BRF1: variants seen among roughly 807,000 people sequenced by gnomAD.
The protein encoded by BRF1 is transcription factor IIIB 90 kDa subunit.
In BRF1, 59 loss-of-function variants were observed where a neutral mutation model predicts 81.7. The ratio of observed to expected loss-of-function variants is 0.72; its 90% CI spans 0.59 to 0.90. The LOEUF is 0.90. BRF1 is among the 40% of genes least tolerant of loss of function. The pLI is 0.00. For missense variants in BRF1, 1,050 were observed against 936.3 expected (o/e 1.12, Z -1.58); for synonymous variants, 491 against 395.6 (o/e 1.24, Z -2.86).
chr14:105,256,654 C>A, intron 3 of BRF1, 105 bp from the exon 4 acceptor site: 1 of 1,497,282 alleles, frequency 6.7e-7, no homozygotes, highest in South Asian at 1.3e-5. Context: ...GAGCTGGAGT[C>A]GCCCCTCCAA....
chr14:105,219,287 G>C, intron 12 of BRF1, 55 bp from the exon 13 acceptor site: 1 of 1,599,526 alleles, frequency 6.3e-7, no homozygotes. Flanking sequence ...ACCGGGGCAT[G>C]CTAAGGTCGC....
chr14:105,226,538 G>C, intron 8 of BRF1, 96 bp downstream of exon 8: 1 of 1,577,442 alleles, frequency 6.3e-7, no homozygotes, highest in Non-Finnish European at 8.6e-7. Context: ...TGAGGCTTTG[G>C]GATGGCACCA....
chr14:105,313,617 G>A (rs1400783821), intron 1 of BRF1, among the ~76,000 whole-genome samples: 1 of 152,258 alleles, frequency 6.6e-6, no homozygotes, highest in Middle Eastern at 3.2e-3. Context: ...GGAGCTGACG[G>A]GGCACTGGGG....
rs1379073404 is a variant in BRF1 at position 105,284,906 on chromosome 14, G to A, written c.265+1390C>T. 6.6e-6 allele frequency among the ~76,000 whole-genome samples: 1 copy of A among 152,170 alleles called. No individual in the cohort carries two copies. Among genetic ancestry groups the A allele is most frequent in the African/African-American group, 2.4e-5 (1 of 41,430 alleles). ...CTATTCAGCATAAAAAATGAGTTCA[G>A]CCAGGCTGCAAGATACAAGATCAAT... On this transcript the variant is annotated intron_variant, in intron 2 of 17. Coordinates refer to ENST00000547530, the MANE Select transcript of BRF1 (RefSeq NM_001519.4). The surrounding 1 kb of genome is among the most constrained non-coding windows in gnomAD (Gnocchi z 4.0).
intron 15 of BRF1, chr14:105,213,426 T>A (rs1367260309): frequency 6.6e-6 from 1 of 151,748 alleles, no homozygotes; most frequent in African/African-American, 2.4e-5. Flanking sequence ...TTTTTTTTTT[T>A]TCTGAGACGG....
intron 2 of BRF1, among the ~76,000 whole-genome samples, chr14:105,274,363 T>G (rs988247018): frequency 6.6e-6 from 1 of 152,184 alleles, no homozygotes; most frequent in Non-Finnish European, 1.5e-5. Flanking sequence ...GCCGGTCCCC[T>G]GGCCCCACTG....
In BRF1 at chr14:105,257,984, C is replaced by T. The variant is rs74092241; in HGVS notation, c.440-1435G>A. Among the ~76,000 whole-genome samples, 296 of 152,284 alleles carry T rather than the reference C, an allele frequency of 1.9e-3. 1 individual carries two copies. The highest frequency in any genetic ancestry group is 6.8e-3 in the African/African-American group (283 of 41,554). Reference sequence around the variant, plus strand: ...TTCACATATTGCATATTTGTGAAAACCCATAGAAGGCACAGCCCCAAGAGT... The same window carrying T: ...TTCACATATTGCATATTTGTGAAAATCCATAGAAGGCACAGCCCCAAGAGT... On this transcript the variant is annotated intron_variant, in intron 3 of 17. Transcript: ENST00000547530.
At chr14:105,303,173 C>T (rs1305131893), upstream of BRF1, among the ~76,000 whole-genome samples, 2 of 152,196 alleles carry the variant, frequency 1.3e-5, no homozygotes, top group Admixed American at 1.3e-4. Context: ...AAGTGATCCA[C>T]CTGTCTTGGT....
rs1892353472 is a variant in BRF1 at position 105,222,005 on chromosome 14, C to G, written c.1049-91G>C. ...ACAATGCTACCAAGCTGCCAGGTAA[C>G]CCATAGAACGGCTGTCAGTGCACGG... On this transcript the variant is annotated intron_variant, in intron 10 of 17. Coordinates refer to ENST00000547530, the MANE Select transcript of BRF1 (RefSeq NM_001519.4). The G allele has an allele frequency of 2.1e-6, 3 of 1,458,128 alleles. No individual in the cohort carries two copies. In the Admixed American group the frequency reaches 8.3e-5, roughly 41 times the overall value. The allele number at this position is 1,458,128 out of a possible 1,614,324, so 90.3% of individuals were successfully genotyped here. A position where few individuals can be genotyped will look rare whatever the true frequency, so the allele number is the denominator to read the frequency against.
At chr14:105,285,723 A>G (rs967734303) in intron 2 of BRF1, among the ~76,000 whole-genome samples, 3 of 152,250 alleles carry the variant, frequency 2.0e-5, no homozygotes, top group South Asian at 2.1e-4. Context: ...TAAAAAGACA[A>G]AAGAAAATGA....
rs1257990783 is a variant in BRF1, at chr14:105,226,054, G to A, written c.1048+15C>T. On this transcript the variant is annotated intron_variant, in intron 10 of 17. Transcript: ENST00000547530. Reference sequence around the variant, plus strand: ...TTTTAAAGGTCTGAATAGGGGCCGGGCACAGTGGACTCACCATCTTTTGCC... The same window carrying A: ...TTTTAAAGGTCTGAATAGGGGCCGGACACAGTGGACTCACCATCTTTTGCC... The A allele has an allele frequency of 1.2e-6, 2 of 1,610,196 alleles. No homozygotes were observed. The highest frequency in any genetic ancestry group is 1.7e-5 in the Admixed American group (1 of 59,898).
At position 105,218,989 on chromosome 14, in the gene BRF1, G is replaced by A. The variant is rs1199275003; in HGVS notation, c.1515+9C>T. On this transcript the variant is annotated intron_variant, in intron 14 of 17. Transcript: ENST00000547530. ...CAAGAAGGCCAGGCCCAGCGTCACA[G>A]GCGCCCACCTTGTGTTCCTTGTAGA... 1.2e-6 allele frequency: 2 copies of A among 1,613,856 alleles called. No individual in the cohort carries two copies. The highest frequency in any genetic ancestry group is 3.3e-5 in the Admixed American group (2 of 60,022).
rs146924498 is a variant in BRF1, at chr14:105,210,256, G to A, written c.*295C>T. On this transcript the variant is annotated 3_prime_UTR_variant, in exon 18 of 18. Transcript: ENST00000547530. The surrounding 1 kb of genome is among the most constrained non-coding windows in gnomAD (Gnocchi z 4.7). ...TCCTTAATAGTAGCAACACCACACTGCCAGCCTTGGAGGGTCCTTGGATGA... is the reference window on the plus strand; with the variant it reads ...TCCTTAATAGTAGCAACACCACACTACCAGCCTTGGAGGGTCCTTGGATGA... 3 of 452,650 alleles carry A rather than the reference G, an allele frequency of 6.6e-6. No individual in the cohort carries two copies. The highest frequency in any genetic ancestry group is 4.0e-5 in the African/African-American group (2 of 50,074). The allele number at this position is 452,650 out of a possible 1,614,324, so 28.0% of individuals were successfully genotyped here.
rs587745574 is a variant in BRF1 at position 105,289,674 on chromosome 14, C to T, written c.185-3298G>A. On this transcript the variant is annotated intron_variant, in intron 1 of 17. Transcript: ENST00000547530. ...TTTTTGAGACGGAGTCTCGCTCTAT[C>T]GCCCAGGCTGGAGTGTAGTGGTGCG... 4.1e-4 allele frequency among the ~76,000 whole-genome samples: 62 copies of T among 152,202 alleles called. 1 individual carries two copies. In the East Asian group the frequency reaches 6.4e-3, roughly 16 times the overall value.
intron 2 of BRF1, among the ~76,000 whole-genome samples, chr14:105,279,948 G>A (rs1479870464): frequency 6.6e-6 from 1 of 152,218 alleles, no homozygotes; most frequent in Non-Finnish European, 1.5e-5. Flanking sequence ...AGCCAGATGC[G>A]GACGACTAGA....
rs2816626 is a variant in BRF1, at chr14:105,269,088, G to A, written c.439+3633C>T. Among the ~76,000 whole-genome samples, 36,444 of 152,106 alleles carry A rather than the reference G, an allele frequency of 0.24. 4,675 individuals are homozygous for A. The highest frequency in any genetic ancestry group is 0.28 in the South Asian group (1,356 of 4,820). ...AGGGGCAGGAGAAAACAAGGAGGGCGGTGAGAGACGGAGACGTGTCCAGGA... is the reference window on the plus strand; with the variant it reads ...AGGGGCAGGAGAAAACAAGGAGGGCAGTGAGAGACGGAGACGTGTCCAGGA... On this transcript the variant is annotated intron_variant, in intron 3 of 17. Coordinates refer to ENST00000547530, the MANE Select transcript of BRF1 (RefSeq NM_001519.4). The surrounding 1 kb of genome is among the most constrained non-coding windows in gnomAD (Gnocchi z 5.0).
At chr14:105,228,970 G>T (rs1331350780) in intron 6 of BRF1, 57 bp from the exon 7 acceptor site, 1 of 1,521,610 alleles carries the variant, frequency 6.6e-7, no homozygotes, top group East Asian at 2.2e-5. Context: ...GGCAACATCT[G>T]TGGCGGCCCA....
chr14:105,298,683 T>C (rs981254845), intron 1 of BRF1, among the ~76,000 whole-genome samples: 13 of 151,252 alleles, frequency 8.6e-5, no homozygotes, highest in Non-Finnish European at 1.8e-4. Flanking sequence ...GGTGAAACCC[T>C]GTCTCTACTA....
Position 105,220,268 on chromosome 14 carries a change from G to A in BRF1, c.1316-138C>T, listed in dbSNP as rs1892064262. ...CCCGTCCCCTCCTCTGCACTGGTGG[G>A]TCGCGCCCTGTCTGCCCACATGACC... On this transcript the variant is annotated intron_variant, in intron 11 of 17. Coordinates refer to ENST00000547530, the MANE Select transcript of BRF1 (RefSeq NM_001519.4). The A allele has an allele frequency of 2.8e-5, 24 of 848,978 alleles. No homozygotes were observed. The Admixed American group carries it at 4.5e-4, about 16-fold the overall frequency. 52.6% of individuals were successfully genotyped at this position (848,978 alleles called of 1,614,324 possible). A position where few individuals can be genotyped will look rare whatever the true frequency, so the allele number is the denominator to read the frequency against.
Sources: allele counts gnomAD v4.1 joint callset (sites outside exome capture counted in the v4.1 genomes callset), GRCh38; gene constraint gnomAD v4.1.1; non-coding constraint Gnocchi (gnomAD v3.1); transcripts MANE v1.5; gene names NCBI Gene and HGNC (gene_info 2026-07-23, HGNC 2026-07-21).